DIP2C: variants seen among roughly 807,000 people sequenced by gnomAD.
The protein encoded by DIP2C is disco-interacting protein 2 homolog C.
DIP2C carries 33 observed loss-of-function variants against 192.4 expected under a neutral mutation model. That is an observed-to-expected ratio of 0.17 (90% CI 0.13 to 0.23). The LOEUF is 0.23. Ranked by LOEUF, DIP2C falls within the 10% of genes least tolerant of loss-of-function variation. DIP2C has a pLI of 1.00. For synonymous variants in DIP2C, 979 were observed against 864.1 expected (o/e 1.13, Z -2.33); for missense variants, 1,537 against 2,110.1 (o/e 0.73, Z 5.32).
At chr10:294,265 G>A (rs940069224) in intron 32 of DIP2C, among the ~76,000 whole-genome samples, 4 of 152,090 alleles carry the variant, frequency 2.6e-5, no homozygotes, top group South Asian at 2.1e-4. Flanking sequence ...ATTTCTGAAC[G>A]CTAATCCCGA....
At chr10:328,739 CAG>C (rs1488837179) in intron 30 of DIP2C, among the ~76,000 whole-genome samples, 1 of 152,150 alleles carries the variant, frequency 6.6e-6, no homozygotes, top group Non-Finnish European at 1.5e-5. Flanking sequence ...GTGTAGATGA[CAG>C]AAACACAAAC....
At chr10:489,389 A>G (rs1020684070) in intron 1 of DIP2C, among the ~76,000 whole-genome samples, 4 of 152,270 alleles carry the variant, frequency 2.6e-5, no homozygotes, top group African/African-American at 9.6e-5. Context: ...GATGATGCAT[A>G]TAGACAGACG....
chr10:465,356 C>G (rs984465758), intron 3 of DIP2C, among the ~76,000 whole-genome samples: 12 of 148,048 alleles, frequency 8.1e-5, no homozygotes, highest in Non-Finnish European at 3.0e-5. Context: ...GCTAAAAACT[C>G]TCAATAAATT....
At chr10:544,428 TCA>T (rs1491545597) in intron 1 of DIP2C, among the ~76,000 whole-genome samples, 1 of 152,264 alleles carries the variant, frequency 6.6e-6, no homozygotes, top group African/African-American at 2.4e-5. Flanking sequence ...AAAAACGTTT[TCA>T]GTTTTCTTGG....
At chr10:530,110 C>T (rs1847278723) in intron 1 of DIP2C, among the ~76,000 whole-genome samples, 1 of 152,234 alleles carries the variant, frequency 6.6e-6, no homozygotes, top group South Asian at 2.1e-4. Context: ...TGACTGACAG[C>T]CCGGAGCATC....
intron 35 of DIP2C, 129 bp downstream of exon 35, chr10:283,143 T>C: frequency 3.1e-6 from 4 of 1,275,764 alleles, no homozygotes; most frequent in Non-Finnish European, 4.3e-6. Context: ...CTTTTCACAC[T>C]GGGTTGTAGC....
At chr10:477,701 AAAG>A (rs1331626538) in intron 2 of DIP2C, among the ~76,000 whole-genome samples, 2 of 144,794 alleles carry the variant, frequency 1.4e-5, no homozygotes, top group Non-Finnish European at 3.0e-5. Context: ...GGAGAAAAGG[AAAG>A]AATAAAGGAG....
chr10:561,725 A>G (rs987647445), intron 1 of DIP2C, among the ~76,000 whole-genome samples: 2 of 152,172 alleles, frequency 1.3e-5, no homozygotes, highest in African/African-American at 4.8e-5. Context: ...TCCCGTCTAG[A>G]GCTTGTCTGC....
rs187779579 is a variant in DIP2C at position 679,763 on chromosome 10, C to G, written c.85+9731G>C. On this transcript the variant is annotated intron_variant, in intron 1 of 36. Coordinates refer to ENST00000280886, the MANE Select transcript of DIP2C (RefSeq NM_014974.3). ...CATCTGTGCTCCCCATGCCCATGAT[C>G]CCCGCACCCGTGCTCCCCGCACTGC... Among the ~76,000 whole-genome samples the G allele has an allele frequency of 5.8e-3, 881 of 152,236 alleles. 6 individuals carry two copies. Among genetic ancestry groups the G allele is most frequent in the African/African-American group, 0.02 (813 of 41,526 alleles).
chr10:323,999 C>G (rs902798252), intron 31 of DIP2C, among the ~76,000 whole-genome samples: 2 of 152,184 alleles, frequency 1.3e-5, no homozygotes, highest in African/African-American at 4.8e-5. Context: ...CCTGTAGCCT[C>G]TGCACTTACG....
chr10:635,410 C>T (rs1854770766), intron 1 of DIP2C, among the ~76,000 whole-genome samples: 2 of 152,228 alleles, frequency 1.3e-5, no homozygotes, highest in African/African-American at 4.8e-5. Context: ...GGATAGACGT[C>T]CTGGACAGAC....
intron 1 of DIP2C, among the ~76,000 whole-genome samples, chr10:623,734 G>A (rs1237106372): frequency 7.7e-6 from 1 of 130,350 alleles, no homozygotes; most frequent in East Asian, 2.4e-4. Context: ...GAGGAGGGGA[G>A]GGACGGACGC....
chr10:468,167 C>T (rs1236447788), intron 3 of DIP2C, among the ~76,000 whole-genome samples: 1 of 152,130 alleles, frequency 6.6e-6, no homozygotes, highest in Non-Finnish European at 1.5e-5. Context: ...CTAACATAAG[C>T]TCCTCTTATC....
intron 1 of DIP2C, among the ~76,000 whole-genome samples, chr10:618,129 AG>A (rs1564276060): frequency 6.6e-6 from 1 of 152,256 alleles, no homozygotes; most frequent in Admixed American, 6.5e-5. Flanking sequence ...AAGTGAAACA[AG>A]TATCTTCAAC....
chr10:474,861 TCTC>T (rs1970938085), intron 2 of DIP2C, among the ~76,000 whole-genome samples: 2 of 152,110 alleles, frequency 1.3e-5, no homozygotes, highest in African/African-American at 2.4e-5. Context: ...TCCTTTCTCT[TCTC>T]CTTCAATAAT....
intron 1 of DIP2C, among the ~76,000 whole-genome samples, chr10:519,607 T>G (rs1016638184): frequency 2.0e-5 from 3 of 152,190 alleles, no homozygotes; most frequent in Non-Finnish European, 4.4e-5. Context: ...AGATGCACAG[T>G]GGGTGCAGCC....
chr10:367,170 T>A (rs75107365), intron 18 of DIP2C, among the ~76,000 whole-genome samples: 2 of 152,138 alleles, frequency 1.3e-5, no homozygotes, highest in South Asian at 4.1e-4. Flanking sequence ...GTAATCCCAG[T>A]ACTTTGGGAG....
At position 414,739 on chromosome 10, in the gene DIP2C, G is replaced by GTGTGTATATATATATATATATATA; in HGVS notation, c.860-630_860-629insTATATATATATATATATATACACA. On this transcript the variant is annotated intron_variant, in intron 7 of 36. Transcript: ENST00000280886. The stretch of plus-strand genomic sequence containing the variant: ...TGTGTGTGTGTGTGTGTGTGTGTGT[G>GTGTGTATATATATATATATATATA]TACATATATATATATATAATGTGTA... Among the ~76,000 whole-genome samples the GTGTGTATATATATATATATATATA allele has an allele frequency of 1.2e-3, 108 of 90,504 alleles. 1 individual carries two copies. The highest frequency in any genetic ancestry group is 1.7e-3 in the Non-Finnish European group (81 of 46,596). The allele number at this position is 90,504 out of a possible 152,430, so 59.4% of individuals were successfully genotyped here.
At chr10:603,225 G>A (rs769212542) in intron 1 of DIP2C, among the ~76,000 whole-genome samples, 2 of 146,626 alleles carry the variant, frequency 1.4e-5, no homozygotes, top group Admixed American at 1.4e-4. Context: ...TTGAGCACAG[G>A]GGGGCGGGGG....
Sources: gnomAD v4.1 joint callset for allele counts (sites outside exome capture counted in the v4.1 genomes callset) on GRCh38, gnomAD v4.1.1 for gene constraint, MANE v1.5 for transcripts, NCBI Gene and HGNC (gene_info 2026-07-23, HGNC 2026-07-21) for gene names.